RALGPS1: variants seen among roughly 807,000 people sequenced by gnomAD.
RALGPS1 encodes Ral GEF with PH domain and SH3 binding motif 1.
A neutral mutation model predicts 78.8 loss-of-function variants in RALGPS1; 19 were observed. The ratio of observed to expected loss-of-function variants is 0.24; its 90% CI spans 0.17 to 0.35. The LOEUF (loss-of-function observed/expected upper bound fraction) is 0.35. Ranked by LOEUF, RALGPS1 falls within the 10% of genes least tolerant of loss-of-function variation. The probability of loss-of-function intolerance (pLI) is 1.00; values close to 1 mark genes in which losing one functional copy is unlikely to be tolerated. For missense variants in RALGPS1, 454 were observed against 688.3 expected (o/e 0.66, Z 3.81); for synonymous variants, 228 against 256.3 (o/e 0.89, Z 1.06).
intron 5 of RALGPS1, among the ~76,000 whole-genome samples, chr9:127,034,902 T>C (rs114681678): frequency 6.6e-6 from 1 of 152,110 alleles, no homozygotes; most frequent in Admixed American, 6.5e-5. Flanking sequence ...TCAGGCCCCA[T>C]GTGTGTGGTC....
At chr9:127,090,442 C>T (rs916716749) in intron 8 of RALGPS1, among the ~76,000 whole-genome samples, 8 of 152,326 alleles carry the variant, frequency 5.3e-5, no homozygotes, top group South Asian at 4.1e-4. Flanking sequence ...AGGGCCCCTT[C>T]GGGCCAGGCC....
At chr9:127,095,886 C>A (rs973754229) in intron 8 of RALGPS1, among the ~76,000 whole-genome samples, 1 of 152,222 alleles carries the variant, frequency 6.6e-6, no homozygotes, top group Non-Finnish European at 1.5e-5. Context: ...TAGAACCTGA[C>A]GGGAAGGCAG....
intron 4 of RALGPS1, among the ~76,000 whole-genome samples, chr9:126,991,366 C>G (rs148145025): frequency 6.6e-6 from 1 of 152,266 alleles, no homozygotes; most frequent in African/African-American, 2.4e-5. Context: ...TGATCCAACA[C>G]TTTGCAACTT....
intron 5 of RALGPS1, among the ~76,000 whole-genome samples, chr9:127,039,479 G>A (rs2047111994): frequency 6.6e-6 from 1 of 152,184 alleles, no homozygotes; most frequent in African/African-American, 2.4e-5. Flanking sequence ...GAGCTGAGAA[G>A]GGAGTGGCTG....
At chr9:127,050,223 G>A (rs2048178079) in intron 6 of RALGPS1, 91 bp downstream of exon 6, 2 of 1,086,708 alleles carry the variant, frequency 1.8e-6, no homozygotes, top group Non-Finnish European at 2.8e-6. Context: ...TTTGGGAGCT[G>A]CTTTGCTGTG....
chr9:127,177,976 G>C (rs532583578), intron 11 of RALGPS1: 2 of 1,545,388 alleles, frequency 1.3e-6, no homozygotes, highest in Admixed American at 3.9e-5. Context: ...ACCCCAGATG[G>C]TTCACATGAA....
intron 8 of RALGPS1, among the ~76,000 whole-genome samples, chr9:127,148,976 T>G (rs2058261898): frequency 1.3e-5 from 2 of 152,178 alleles, no homozygotes; most frequent in South Asian, 4.1e-4. Flanking sequence ...CCCTAACCTT[T>G]ATTGAGCAGT....
At chr9:127,032,290 T>C (rs1564451208) in intron 4 of RALGPS1, among the ~76,000 whole-genome samples, 1 of 152,206 alleles carries the variant, frequency 6.6e-6, no homozygotes, top group Non-Finnish European at 1.5e-5. Flanking sequence ...ACTGCTCCCT[T>C]TCTGGGTATT....
At chr9:126,916,799 C>T (rs1216297675) in intron 1 of RALGPS1, among the ~76,000 whole-genome samples, 1 of 151,944 alleles carries the variant, frequency 6.6e-6, no homozygotes, top group African/African-American at 2.4e-5. Flanking sequence ...ACACAAAAAT[C>T]CCCAAAAGAA....
At chr9:127,015,957 T>A (rs145656434) in intron 4 of RALGPS1, among the ~76,000 whole-genome samples, 2 of 152,246 alleles carry the variant, frequency 1.3e-5, no homozygotes, top group East Asian at 3.9e-4. Flanking sequence ...TCCTCCTTTT[T>A]TCTTTTCTTT....
intron 8 of RALGPS1, among the ~76,000 whole-genome samples, chr9:127,164,827 A>G (rs2059212632): frequency 6.6e-6 from 1 of 152,172 alleles, no homozygotes; most frequent in Non-Finnish European, 1.5e-5. Flanking sequence ...GGCGCGAGCC[A>G]CTATGCTCTG....
chr9:127,170,347 T>C (rs1272803039), intron 10 of RALGPS1, among the ~76,000 whole-genome samples: 7 of 152,240 alleles, frequency 4.6e-5, no homozygotes, highest in Admixed American at 6.5e-5. Flanking sequence ...AAAATCTGTA[T>C]TTTTTCAAAG....
intron 4 of RALGPS1, among the ~76,000 whole-genome samples, chr9:127,029,293 A>G (rs1564446013): frequency 6.6e-6 from 1 of 152,210 alleles, no homozygotes; most frequent in South Asian, 2.1e-4. Flanking sequence ...CAGGTCCCCA[A>G]AACTGGCACT....
At chr9:127,019,680 C>T (rs2045259902) in intron 4 of RALGPS1, among the ~76,000 whole-genome samples, 1 of 151,978 alleles carries the variant, frequency 6.6e-6, no homozygotes, top group Non-Finnish European at 1.5e-5. Context: ...ATAAATGTAC[C>T]ACAACTTGTC....
At chr9:127,012,045 A>C (rs2044392795) in intron 4 of RALGPS1, among the ~76,000 whole-genome samples, 1 of 152,166 alleles carries the variant, frequency 6.6e-6, no homozygotes, top group African/African-American at 2.4e-5. Flanking sequence ...GCCCAATTGC[A>C]GGGTGTGGAG....
chr9:127,188,834 A>T lies in RALGPS1; in HGVS notation c.911-6257A>T, dbSNP rs1447884596. On this transcript the variant is annotated intron_variant, in intron 11 of 18. Coordinates refer to ENST00000259351, the MANE Select transcript of RALGPS1 (RefSeq NM_014636.3). ...AGACTAAGAAACCCCATCTCTACTA[A>T]AAAAAAAAAAAAAAATGTAGCCAGG... 5.0e-5 allele frequency among the ~76,000 whole-genome samples: 7 copies of T among 140,078 alleles called. 1 individual carries two copies. Among genetic ancestry groups the T allele is most frequent in the East Asian group, 2.1e-4 (1 of 4,818 alleles). The allele number at this position is 140,078 out of a possible 152,430, so 91.9% of individuals were successfully genotyped here.
At chr9:126,987,329 T>G (rs2041895240) in intron 4 of RALGPS1, among the ~76,000 whole-genome samples, 1 of 152,172 alleles carries the variant, frequency 6.6e-6, no homozygotes, top group African/African-American at 2.4e-5. Context: ...TCATCTCTTA[T>G]TGGTGATTTG....
At position 127,091,891 on chromosome 9, in the gene RALGPS1, A is replaced by G. The variant is rs2052524121; in HGVS notation, c.610+22535A>G. On this transcript the variant is annotated intron_variant, in intron 8 of 18. Transcript: ENST00000259351. This position sits in a 1 kb window ranked among gnomAD's most constrained non-coding sequence, Gnocchi z 4.3. ...GTTGCCTTGGTTCGTCAGCCAGTAA[A>G]TGTTCTCCAGGCCCAGCCAGTATTC... is the stretch of plus-strand genomic sequence containing the variant. 1.2e-6 allele frequency: 2 copies of G among 1,614,014 alleles called. No individual in the cohort carries two copies. Among genetic ancestry groups the G allele is most frequent in the East Asian group, 2.2e-5 (1 of 44,880 alleles).
intron 8 of RALGPS1, among the ~76,000 whole-genome samples, chr9:127,094,916 C>T (rs962942187): frequency 6.6e-6 from 1 of 152,170 alleles, no homozygotes; most frequent in Non-Finnish European, 1.5e-5. Flanking sequence ...CTCTGCCCTC[C>T]CCAGGCAGTT....
Sources: gnomAD v4.1 joint callset for allele counts (sites outside exome capture counted in the v4.1 genomes callset) on GRCh38, gnomAD v4.1.1 for gene constraint, Gnocchi (gnomAD v3.1) non-coding constraint, MANE v1.5 for transcripts, NCBI Gene and HGNC (gene_info 2026-07-23, HGNC 2026-07-21) for gene names.